BCAS3: variants seen among roughly 807,000 people sequenced by gnomAD.
The protein encoded by BCAS3 is BCAS4/BCAS3 fusion.
Under a neutral mutation model 116.1 loss-of-function variants are expected in BCAS3, and 53 were observed. The ratio of observed to expected loss-of-function variants is 0.46; its 90% CI spans 0.37 to 0.57. BCAS3 has a LOEUF of 0.57. Ranked by LOEUF, BCAS3 falls within the 20% of genes least tolerant of loss-of-function variation. The pLI is 0.00. For synonymous variants in BCAS3, 391 were observed against 408.2 expected (o/e 0.96, Z 0.51); for missense variants, 917 against 1,165.4 (o/e 0.79, Z 3.10).
chr17:60,851,880 C>T lies in BCAS3; in HGVS notation c.477-16696C>T. 2.5e-5 allele frequency: 36 copies of T among 1,437,726 alleles called. No individual in the cohort carries two copies. In the Middle Eastern group the frequency reaches 2.8e-3, roughly 111 times the overall value. The allele number at this position is 1,437,726 out of a possible 1,614,324, so 89.1% of individuals were successfully genotyped here. A position where few individuals can be genotyped will look rare whatever the true frequency, so the allele number is the denominator to read the frequency against. On this transcript the variant is annotated intron_variant, in intron 7 of 23. Transcript: ENST00000407086. ...CATTTTTAAGAAGGGAATCTCACCT[C>T]ATCCCATTTTTTAAGTGTAAATGCT...
chr17:61,269,910 T>C (rs1315237265), intron 22 of BCAS3, among the ~76,000 whole-genome samples: 1 of 151,770 alleles, frequency 6.6e-6, no homozygotes, highest in Non-Finnish European at 1.5e-5. Context: ...TTCAAACGAT[T>C]CTTGTGCCTC....
At chr17:60,987,173 C>T (rs2063192666) in intron 14 of BCAS3, 1 of 151,616 alleles carries the variant, frequency 6.6e-6, no homozygotes, top group Non-Finnish European at 1.5e-5. Flanking sequence ...GTTCTCTGTT[C>T]TGTTCCATTG....
rs2065527356 is a variant in BCAS3, at chr17:61,017,347, TAGTC to T, written c.1637+1450_1637+1453del. Among the ~76,000 whole-genome samples, 1 of 152,170 alleles carries T rather than the reference TAGTC, an allele frequency of 6.6e-6. No homozygotes were observed. Among genetic ancestry groups the T allele is most frequent in the Non-Finnish European group, 1.5e-5 (1 of 68,010 alleles). ...AAGTTTCTTTTTTACTTACTGAAGTTAGTCAGTACATAATTGTATCATCTTGATT... is the reference window on the plus strand; with the variant it reads ...AAGTTTCTTTTTTACTTACTGAAGTTAGTACATAATTGTATCATCTTGATT... On this transcript the variant is annotated intron_variant, in intron 16 of 23. Transcript: ENST00000407086. This position sits in a 1 kb window ranked among gnomAD's most constrained non-coding sequence, Gnocchi z 4.7.
chr17:60,678,927 T>C (rs563020310), intron 1 of BCAS3, among the ~76,000 whole-genome samples: 169 of 152,256 alleles, frequency 1.1e-3, no homozygotes, highest in Non-Finnish European at 1.7e-3. Context: ...CCTGGTCCTA[T>C]TAAAAAACAA....
At chr17:61,066,049 A>T (rs778049319) in intron 19 of BCAS3, among the ~76,000 whole-genome samples, 2 of 152,204 alleles carry the variant, frequency 1.3e-5, no homozygotes, top group Non-Finnish European at 2.9e-5. Context: ...ACTAGGTACC[A>T]TTAGGGTCAG....
At position 61,378,865 on chromosome 17, in the gene BCAS3, G is replaced by T. The variant is rs973789557; in HGVS notation, c.2593+10371G>T. ...AAGGCTACTGGAAGCCCCGCCAGGG[G>T]CAGAGCTGTAATGGGAGTTTGGGCT... is the stretch of plus-strand genomic sequence containing the variant. On this transcript the variant is annotated intron_variant, in intron 23 of 23. Transcript: ENST00000407086. This position sits in a 1 kb window ranked among gnomAD's most constrained non-coding sequence, Gnocchi z 5.8. 1 of 152,322 alleles carries T rather than the reference G, an allele frequency of 6.6e-6. No individual in the cohort carries two copies. The highest frequency in any genetic ancestry group is 6.5e-5 in the Admixed American group (1 of 15,296). The allele number at this position is 152,322 out of a possible 1,614,324, so 9.4% of individuals were successfully genotyped here.
At position 61,307,459 on chromosome 17, in the gene BCAS3, T is replaced by C. The variant is rs1355642359; in HGVS notation, c.2426-60868T>C. On this transcript the variant is annotated intron_variant, in intron 22 of 23. Coordinates refer to ENST00000407086, the MANE Select transcript of BCAS3 (RefSeq NM_017679.5). The surrounding 1 kb of genome is among the most constrained non-coding windows in gnomAD (Gnocchi z 4.7). Reference sequence around the variant, plus strand: ...ATTGCATTTACTACAGTTACAACGATAATAAATGTTGAATTAACTTTCACT... The same window carrying C: ...ATTGCATTTACTACAGTTACAACGACAATAAATGTTGAATTAACTTTCACT... Among the ~76,000 whole-genome samples, 2 of 152,240 alleles carry C rather than the reference T, an allele frequency of 1.3e-5. No homozygotes were observed. The highest frequency in any genetic ancestry group is 2.9e-5 in the Non-Finnish European group (2 of 68,038).
At chr17:60,719,186 G>T (rs1157650792) in intron 5 of BCAS3, among the ~76,000 whole-genome samples, 1 of 152,228 alleles carries the variant, frequency 6.6e-6, no homozygotes, top group African/African-American at 2.4e-5. Context: ...GGGTGGAAAG[G>T]TAGTGAGTTT....
intron 22 of BCAS3, among the ~76,000 whole-genome samples, chr17:61,255,972 A>C (rs954296531): frequency 8.5e-5 from 13 of 152,204 alleles, no homozygotes; most frequent in African/African-American, 3.1e-4. Flanking sequence ...TCCCCTGAAA[A>C]TTGAGTCTCG....
At position 61,390,419 on chromosome 17, in the gene BCAS3, G is replaced by C. The variant is rs1010855374; in HGVS notation, c.2594-1558G>C. The C allele has an allele frequency of 1.3e-5, 2 of 152,148 alleles. No individual in the cohort carries two copies. Among genetic ancestry groups the C allele is most frequent in the Non-Finnish European group, 2.9e-5 (2 of 68,074 alleles). 9.4% of individuals were successfully genotyped at this position (152,148 alleles called of 1,614,324 possible). On this transcript the variant is annotated intron_variant, in intron 23 of 23. Transcript: ENST00000407086. The surrounding 1 kb of genome is among the most constrained non-coding windows in gnomAD (Gnocchi z 6.8). ...CCCAGGCAGCCAATGTCCCCTGGAG[G>C]TCAGGGACCATAGTCAGGCCCTCGG... is the stretch of plus-strand genomic sequence containing the variant.
chr17:60,930,872 A>C (rs187739243), intron 13 of BCAS3, among the ~76,000 whole-genome samples: 1 of 152,184 alleles, frequency 6.6e-6, no homozygotes, highest in Non-Finnish European at 1.5e-5. Flanking sequence ...GGAAACGTTA[A>C]AAATACTATA....
Position 61,387,218 on chromosome 17 carries a change from A to C in BCAS3, c.2594-4759A>C, listed in dbSNP as rs1048565385. On this transcript the variant is annotated intron_variant, in intron 23 of 23. Coordinates refer to ENST00000407086, the MANE Select transcript of BCAS3 (RefSeq NM_017679.5). The surrounding 1 kb of genome is among the most constrained non-coding windows in gnomAD (Gnocchi z 6.2). ...ACTCACAGCCTGGCAAAGGGGCCAC[A>C]ACACTGCACTGTGGGTGGAGGTGCA... is the stretch of plus-strand genomic sequence containing the variant. Among the ~76,000 whole-genome samples, 4 of 152,214 alleles carry C rather than the reference A, an allele frequency of 2.6e-5. No individual in the cohort carries two copies. Among genetic ancestry groups the C allele is most frequent in the African/African-American group, 9.6e-5 (4 of 41,462 alleles).
chr17:60,777,220 A>G (rs1399180776), intron 6 of BCAS3, among the ~76,000 whole-genome samples: 2 of 152,060 alleles, frequency 1.3e-5, no homozygotes, highest in Non-Finnish European at 2.9e-5. Flanking sequence ...TCACCACCTT[A>G]TTCTCTTCCT....
intron 12 of BCAS3, among the ~76,000 whole-genome samples, chr17:60,912,649 G>A (rs2058575870): frequency 6.6e-6 from 1 of 151,956 alleles, no homozygotes; most frequent in African/African-American, 2.4e-5. Flanking sequence ...TGACTTTAAT[G>A]ACTTTGTGTT....
chr17:60,990,348 C>A lies in BCAS3; in HGVS notation c.1486+113C>A. The A allele has an allele frequency of 8.8e-7, 1 of 1,137,960 alleles. No individual in the cohort carries two copies. The highest frequency in any genetic ancestry group is 1.2e-6 in the Non-Finnish European group (1 of 815,274). 70.5% of individuals were successfully genotyped at this position (1,137,960 alleles called of 1,614,324 possible). A position where few individuals can be genotyped will look rare whatever the true frequency, so the allele number is the denominator to read the frequency against. On this transcript the variant is annotated intron_variant, in intron 15 of 23. Transcript: ENST00000407086. This position sits in a 1 kb window ranked among gnomAD's most constrained non-coding sequence, Gnocchi z 5.1. ...TAGTCTGTTCATGTAAAAAGAAGATCTTAGGCTTATATGAAATTCTTAATT... is the reference window on the plus strand; with the variant it reads ...TAGTCTGTTCATGTAAAAAGAAGATATTAGGCTTATATGAAATTCTTAATT...
At position 60,747,243 on chromosome 17, in the gene BCAS3, A is replaced by G. The variant is rs761194335; in HGVS notation, c.367A>G (p.Ile123Val). 7.4e-6 allele frequency: 12 copies of G among 1,613,158 alleles called. No homozygotes were observed. The highest frequency in any genetic ancestry group is 5.0e-5 in the Admixed American group (3 of 60,000). ...GCTCTTCTCTGTTCGACATGGCCCA[A>G]TTCGAGCGGCTAGAATCTTGCCTGC... ...QELFSVRHGP[I>V]RAARILPAPQ... Residue 123 changes from isoleucine to valine, a missense_variant, in exon 6 of 24, where the codon ATT becomes GTT. Physicochemically the swap from Ile to Val is conservative, Grantham distance 29. Around this residue, in one of 3 missense-constraint regions of BCAS3, gnomAD observed 807 missense variants for 1,026.0 expected, o/e 0.79. Coordinates refer to ENST00000407086, the MANE Select transcript of BCAS3 (RefSeq NM_017679.5).
At chr17:61,067,734 A>ATATAT (rs1568273619) in intron 19 of BCAS3, among the ~76,000 whole-genome samples, 22 of 139,370 alleles carry the variant, frequency 1.6e-4, no homozygotes, top group African/African-American at 6.2e-4. Flanking sequence ...AACAAAAAAA[A>ATATAT]AAAAAAATAT....
chr17:61,254,115 C>A (rs557750282), intron 22 of BCAS3, among the ~76,000 whole-genome samples: 1 of 152,256 alleles, frequency 6.6e-6, no homozygotes, highest in Non-Finnish European at 1.5e-5. Context: ...GGAAAAAACT[C>A]AAGAGAGCCG....
intron 9 of BCAS3, among the ~76,000 whole-genome samples, chr17:60,880,851 A>G (rs1017572381): frequency 2.6e-5 from 4 of 152,194 alleles, no homozygotes; most frequent in African/African-American, 9.7e-5. Flanking sequence ...TCTTTTCAAT[A>G]CTGAGTGGTA....
Sources: gnomAD v4.1 joint callset for allele counts (sites outside exome capture counted in the v4.1 genomes callset) on GRCh38, gnomAD v4.1.1 for gene constraint, gnomAD v4.1.1 regional missense constraint, Gnocchi (gnomAD v3.1) non-coding constraint, MANE v1.5 for transcripts, NCBI Gene and HGNC (gene_info 2026-07-23, HGNC 2026-07-21) for gene names.